KCNB2: variants seen among roughly 807,000 people sequenced by gnomAD.
The protein encoded by KCNB2 is delayed rectifier potassium channel protein.
Under a neutral mutation model 61.5 loss-of-function variants are expected in KCNB2, and 15 were observed. The ratio of observed to expected loss-of-function variants is 0.24; its 90% CI spans 0.16 to 0.38. The LOEUF is 0.38. Among genes scored for constraint, KCNB2 ranks in the 10% least tolerant of loss-of-function variants. The probability of loss-of-function intolerance (pLI) is 1.00; values close to 1 mark genes in which losing one functional copy is unlikely to be tolerated. For synonymous variants in KCNB2, 457 were observed against 446.0 expected, an observed-to-expected ratio of 1.02 and a Z score of -0.31; for missense variants, 828 against 1,125.2, an observed-to-expected ratio of 0.74 and a Z score of 3.78.
At chr8:72,881,931 G>A (rs1005095052) in intron 2 of KCNB2, among the ~76,000 whole-genome samples, 10 of 152,200 alleles carry the variant, frequency 6.6e-5, no homozygotes, top group African/African-American at 2.4e-4. Flanking sequence ...ATTTTTACAA[G>A]ATGAAAAGTA....
At chr8:72,762,103 A>G (rs936037972) in intron 2 of KCNB2, among the ~76,000 whole-genome samples, 9 of 152,206 alleles carry the variant, frequency 5.9e-5, no homozygotes, top group African/African-American at 1.9e-4. Flanking sequence ...AATGAGTTCA[A>G]TCTGAGTAGC....
At chr8:72,587,545 T>A (rs1330213894) in intron 2 of KCNB2, among the ~76,000 whole-genome samples, 1 of 152,026 alleles carries the variant, frequency 6.6e-6, no homozygotes, top group African/African-American at 2.4e-5. Flanking sequence ...CTGGACAACA[T>A]GGTGAAATGT....
intron 2 of KCNB2, among the ~76,000 whole-genome samples, chr8:72,706,609 G>A (rs997195836): frequency 6.6e-6 from 1 of 152,082 alleles, no homozygotes; most frequent in Non-Finnish European, 1.5e-5. Flanking sequence ...GAGTCTTATT[G>A]TTTCTATCTA....
rs150823912 is a variant in KCNB2 at position 72,697,865 on chromosome 8, G to T, written c.579+129552G>T. ...TCTAAGTCTGATTCTTTTACCAGCA[G>T]CATCAGCATCATCTGACAGTTGTTA... is the stretch of plus-strand genomic sequence containing the variant. On this transcript the variant is annotated intron_variant, in intron 2 of 2. Transcript: ENST00000523207. Among the ~76,000 whole-genome samples the T allele has an allele frequency of 2.1e-3, 320 of 152,112 alleles. 3 individuals carry two copies. Among genetic ancestry groups the T allele is most frequent in the African/African-American group, 7.3e-3 (301 of 41,472 alleles).
chr8:72,561,996 A>G (rs568509683), intron 1 of KCNB2, among the ~76,000 whole-genome samples: 34 of 151,474 alleles, frequency 2.2e-4, no homozygotes, highest in African/African-American at 7.5e-4. Flanking sequence ...CATAGTTTCT[A>G]CAGAAACTTA....
intron 1 of KCNB2, among the ~76,000 whole-genome samples, chr8:72,548,208 C>T (rs1297869392): frequency 6.6e-6 from 1 of 152,044 alleles, no homozygotes; most frequent in Non-Finnish European, 1.5e-5. Flanking sequence ...CTGTAACTTG[C>T]CTTATTGAGG....
chr8:72,938,195 C>A lies in KCNB2; in HGVS notation c.*104C>A. ...GTGAACTAAAAAAATGGGAAGCCCT[C>A]CCCAAAAAAAGTGCATAAAATGTTA... On this transcript the variant is annotated 3_prime_UTR_variant, in exon 3 of 3. Coordinates refer to ENST00000523207, the MANE Select transcript of KCNB2 (RefSeq NM_004770.3). 3 of 907,330 alleles carry A rather than the reference C, an allele frequency of 3.3e-6. No individual in the cohort carries two copies. Among genetic ancestry groups the A allele is most frequent in the Non-Finnish European group, 3.4e-6 (2 of 589,214 alleles). The allele number at this position is 907,330 out of a possible 1,614,324, so 56.2% of individuals were successfully genotyped here. A position where few individuals can be genotyped will look rare whatever the true frequency, so the allele number is the denominator to read the frequency against.
chr8:72,872,760 A>G (rs1313927992), intron 2 of KCNB2, among the ~76,000 whole-genome samples: 1 of 152,222 alleles, frequency 6.6e-6, no homozygotes, highest in Non-Finnish European at 1.5e-5. Context: ...TCTCATTAGG[A>G]TAAAGAGTAC....
intron 2 of KCNB2, among the ~76,000 whole-genome samples, chr8:72,815,319 T>C (rs905755536): frequency 3.3e-5 from 5 of 152,202 alleles, no homozygotes; most frequent in Admixed American, 6.6e-5. Context: ...CTATCCAGAA[T>C]GTACTCAGAC....
At chr8:72,572,928 G>A (rs1806734661) in intron 2 of KCNB2, among the ~76,000 whole-genome samples, 1 of 152,184 alleles carries the variant, frequency 6.6e-6, no homozygotes, top group Non-Finnish European at 1.5e-5. Flanking sequence ...TTGGCATGGT[G>A]CAGCGCGGCA....
intron 2 of KCNB2, among the ~76,000 whole-genome samples, chr8:72,917,887 G>A (rs1806433223): frequency 6.6e-6 from 1 of 152,170 alleles, no homozygotes; most frequent in African/African-American, 2.4e-5. Flanking sequence ...AGGAGGTGAA[G>A]GCAATGGTTG....
intron 2 of KCNB2, among the ~76,000 whole-genome samples, chr8:72,817,460 A>C (rs1809419950): frequency 6.6e-6 from 1 of 152,160 alleles, no homozygotes; most frequent in Non-Finnish European, 1.5e-5. Context: ...GAGCAAGCAA[A>C]ATAATCAAAT....
intron 2 of KCNB2, among the ~76,000 whole-genome samples, chr8:72,801,077 C>T (rs1021428214): frequency 6.6e-6 from 1 of 152,126 alleles, no homozygotes; most frequent in African/African-American, 2.4e-5. Context: ...TGTTTTTCTG[C>T]CCCCTACCCC....
At chr8:72,712,950 T>C (rs1195062986) in intron 2 of KCNB2, among the ~76,000 whole-genome samples, 1 of 152,166 alleles carries the variant, frequency 6.6e-6, no homozygotes, top group Non-Finnish European at 1.5e-5. Context: ...GAAAATTGGG[T>C]CACTCCCACC....
rs145150435 is a variant in KCNB2 at position 72,721,697 on chromosome 8, C to A, written c.579+153384C>A. ...ACCCTGCACCATCATTCTCATTTAA[C>A]AAATGCAGACATTGAGTCTGCATGG... On this transcript the variant is annotated intron_variant, in intron 2 of 2. Coordinates refer to ENST00000523207, the MANE Select transcript of KCNB2 (RefSeq NM_004770.3). Among the ~76,000 whole-genome samples the A allele has an allele frequency of 6.5e-4, 99 of 152,276 alleles. No homozygotes were observed. In the East Asian group the frequency reaches 0.015, roughly 24 times the overall value.
intron 2 of KCNB2, among the ~76,000 whole-genome samples, chr8:72,771,318 T>C (rs1227881831): frequency 3.3e-5 from 5 of 152,226 alleles, no homozygotes. Flanking sequence ...TTTTCTTAAA[T>C]ATTTAATTTG....
intron 2 of KCNB2, among the ~76,000 whole-genome samples, chr8:72,575,192 T>C (rs994215340): frequency 2.0e-5 from 3 of 152,168 alleles, no homozygotes; most frequent in African/African-American, 7.2e-5. Context: ...AAGGAGATGG[T>C]CGCTCATTGT....
chr8:72,905,949 G>A (rs1806169991), intron 2 of KCNB2, among the ~76,000 whole-genome samples: 1 of 152,132 alleles, frequency 6.6e-6, no homozygotes, highest in South Asian at 2.1e-4. Flanking sequence ...CCATAGCAGG[G>A]ACAATTTCAA....
Position 72,788,530 on chromosome 8 carries a change from T to C in KCNB2, c.580-147405T>C, listed in dbSNP as rs1339497080. On this transcript the variant is annotated intron_variant, in intron 2 of 2. Coordinates refer to ENST00000523207, the MANE Select transcript of KCNB2 (RefSeq NM_004770.3). ...ATAGTCACATTAGGGCTTCAACATA[T>C]TATTTTTGGGGAGACTCAAGTTGGT... is the stretch of plus-strand genomic sequence containing the variant. Among the ~76,000 whole-genome samples, 2 of 152,112 alleles carry C rather than the reference T, an allele frequency of 1.3e-5. 1 individual carries two copies. Among genetic ancestry groups the C allele is most frequent in the Admixed American group, 1.3e-4 (2 of 15,262 alleles).
Sources: gnomAD v4.1 joint callset for allele counts (sites outside exome capture counted in the v4.1 genomes callset) on GRCh38, gnomAD v4.1.1 for gene constraint, MANE v1.5 for transcripts, NCBI Gene and HGNC (gene_info 2026-07-23, HGNC 2026-07-21) for gene names.